Variants in KCNG3 observed in about 807,000 individuals in gnomAD.
KCNG3 encodes potassium voltage-gated channel modifier subfamily G member 3, also known as voltage-gated potassium channel regulatory subunit KCNG3.
A neutral mutation model predicts 29.0 loss-of-function variants in KCNG3; 15 were observed. The ratio of observed to expected loss-of-function variants is 0.52; its 90% CI spans 0.35 to 0.80. The LOEUF (loss-of-function observed/expected upper bound fraction) is 0.80. KCNG3 is among the 30% of genes least tolerant of loss of function. The probability of loss-of-function intolerance (pLI) is 0.01; values close to 1 mark genes in which losing one functional copy is unlikely to be tolerated. For missense variants in KCNG3, 512 were observed against 605.7 expected, an observed-to-expected ratio of 0.85 and a Z score of 1.62; for synonymous variants, 322 against 248.9, an observed-to-expected ratio of 1.29 and a Z score of -2.76.
rs1359444523 is a variant in KCNG3 at position 42,442,314 on chromosome 2, G to C, written c.*1620C>G. 6.6e-6 allele frequency: 1 copy of C among 152,178 alleles called. No homozygotes were observed. Among genetic ancestry groups the C allele is most frequent in the Non-Finnish European group, 1.5e-5 (1 of 68,024 alleles). The allele number at this position is 152,178 out of a possible 1,614,324, so 9.4% of individuals were successfully genotyped here. A position where few individuals can be genotyped will look rare whatever the true frequency, so the allele number is the denominator to read the frequency against. ...AAACAGTTTTGCTATTATTACCTCA[G>C]CATGACAATGACAAAGAAGTGTGAT... On this transcript the variant is annotated 3_prime_UTR_variant, in exon 2 of 2. Coordinates refer to ENST00000306078, the MANE Select transcript of KCNG3 (RefSeq NM_133329.6).
intron 1 of KCNG3, among the ~76,000 whole-genome samples, chr2:42,452,244 T>TA (rs1491559721): frequency 0.28 from 15,618 of 55,708 alleles, 955 homozygotes; most frequent in Middle Eastern, 0.38. Context: ...TATATATATA[T>TA]TTTTTTTTTT....
At chr2:42,391,824 G>T in the KCNG3 span, among the ~76,000 whole-genome samples, 1 of 151,272 alleles carries the variant, frequency 6.6e-6, no homozygotes, top group Non-Finnish European at 1.5e-5. Flanking sequence ...GGATGGTCTC[G>T]ATCTCCTGAC....
intron 1 of KCNG3, among the ~76,000 whole-genome samples, chr2:42,490,423 A>AAAAAT (rs1361699295): frequency 7.9e-5 from 12 of 152,220 alleles, no homozygotes; most frequent in Admixed American, 4.6e-4. Context: ...TAAAAATGCA[A>AAAAAT]AAAATAAAAT....
At chr2:42,399,056 C>CTTTTTTTTTTTTTTTTTTTTTTT in the KCNG3 span, among the ~76,000 whole-genome samples, 1 of 107,632 alleles carries the variant, frequency 9.3e-6, no homozygotes, top group Non-Finnish European at 1.8e-5. Context: ...TTTTTCTTTT[C>CTTTTTTTTTTTTTTTTTTTTTTT]TTTTTTTTTT....
At chr2:42,396,490 CAAAA>C in the KCNG3 span, among the ~76,000 whole-genome samples, 1 of 152,072 alleles carries the variant, frequency 6.6e-6, no homozygotes, top group African/African-American at 2.4e-5. Flanking sequence ...CAGGGAATGA[CAAAA>C]TAAACTGTGA....
chr2:42,433,386 G>A, the KCNG3 span, among the ~76,000 whole-genome samples: 7 of 152,140 alleles, frequency 4.6e-5, no homozygotes, highest in African/African-American at 1.4e-4. Flanking sequence ...AGAAACTGGT[G>A]TGTGAGTCGG....
the KCNG3 span, among the ~76,000 whole-genome samples, chr2:42,417,840 C>G: frequency 1.3e-5 from 2 of 151,794 alleles, no homozygotes; most frequent in African/African-American, 4.8e-5. Context: ...GGCTTGGTGG[C>G]GTGCGCCTGT....
chr2:42,446,914 G>C (rs1672611348), intron 1 of KCNG3, among the ~76,000 whole-genome samples: 1 of 151,888 alleles, frequency 6.6e-6, no homozygotes, highest in African/African-American at 2.4e-5. Flanking sequence ...GCCAAGGTGG[G>C]AGTATAGCTT....
downstream of KCNG3, among the ~76,000 whole-genome samples, chr2:42,437,282 T>C (rs1277560709): frequency 6.6e-6 from 1 of 152,182 alleles, no homozygotes; most frequent in African/African-American, 2.4e-5. Flanking sequence ...TGGTTTTGAT[T>C]AAATTAATAT....
the KCNG3 span, among the ~76,000 whole-genome samples, chr2:42,432,538 C>T: frequency 1.3e-5 from 2 of 152,174 alleles, no homozygotes; most frequent in African/African-American, 4.8e-5. Context: ...CTACAACCTC[C>T]AGCATTCTCC....
intron 1 of KCNG3, among the ~76,000 whole-genome samples, chr2:42,476,579 C>G (rs1419936757): frequency 6.6e-6 from 1 of 151,916 alleles, no homozygotes; most frequent in Non-Finnish European, 1.5e-5. Flanking sequence ...CTCTACCTCC[C>G]GGGTTCAAGA....
the KCNG3 span, among the ~76,000 whole-genome samples, chr2:42,391,595 CTTTTTTTT>C: frequency 1.1e-5 from 1 of 88,112 alleles, no homozygotes; most frequent in Admixed American, 1.5e-4. Flanking sequence ...TTTTATATCT[CTTTTTTTT>C]TTTTTTTTTT....
chr2:42,477,368 T>A (rs930775118), intron 1 of KCNG3, among the ~76,000 whole-genome samples: 1 of 128,712 alleles, frequency 7.8e-6, no homozygotes, highest in African/African-American at 3.2e-5. Context: ...TATATACATA[T>A]ATATACACAC....
chr2:42,435,225 C>G, the KCNG3 span, among the ~76,000 whole-genome samples: 1 of 152,160 alleles, frequency 6.6e-6, no homozygotes, highest in Non-Finnish European at 1.5e-5. Context: ...ATCGCTTGAA[C>G]CAGGGAGGCG....
intron 1 of KCNG3, among the ~76,000 whole-genome samples, chr2:42,449,047 G>A (rs1053324469): frequency 1.3e-5 from 2 of 151,972 alleles, no homozygotes; most frequent in Non-Finnish European, 2.9e-5. Context: ...GGGTTTCCCA[G>A]GGCCCACTGA....
the KCNG3 span, among the ~76,000 whole-genome samples, chr2:42,434,666 C>CAAAAAAAAAAAAA: frequency 1.5e-5 from 1 of 64,694 alleles, no homozygotes. Context: ...AACTCCATCT[C>CAAAAAAAAAAAAA]AAAAAAAAAA....
At chr2:42,392,985 TTAAG>T in the KCNG3 span, among the ~76,000 whole-genome samples, 2 of 152,134 alleles carry the variant, frequency 1.3e-5, no homozygotes, top group African/African-American at 4.8e-5. Context: ...TTGATGCAGT[TTAAG>T]TCAGTCAGTC....
chr2:42,491,955 T>G (rs1673888824), intron 1 of KCNG3, among the ~76,000 whole-genome samples: 2 of 152,186 alleles, frequency 1.3e-5, no homozygotes, highest in African/African-American at 2.4e-5. Flanking sequence ...TCTTTGAAAG[T>G]CCATCCTTAG....
chr2:42,405,637 TCA>T, the KCNG3 span, among the ~76,000 whole-genome samples: 1 of 151,682 alleles, frequency 6.6e-6, no homozygotes, highest in African/African-American at 2.4e-5. Context: ...AGACAGAGTC[TCA>T]CTCTGTCGCC....
Sources: allele counts gnomAD v4.1 joint callset (sites outside exome capture counted in the v4.1 genomes callset), GRCh38; gene constraint gnomAD v4.1.1; transcripts MANE v1.5; gene names NCBI Gene and HGNC (gene_info 2026-07-23, HGNC 2026-07-21).